Variants in KCNJ6 observed in about 807,000 individuals in gnomAD.
KCNJ6 encodes the protein G protein-activated inward rectifier potassium channel 2.
Under a neutral mutation model 34.2 loss-of-function variants are expected in KCNJ6, and 9 were observed. The ratio of observed to expected loss-of-function variants is 0.26; its 90% confidence interval spans 0.16 to 0.46. The LOEUF is 0.46. Among genes scored for constraint, KCNJ6 ranks in the 20% least tolerant of loss-of-function variants. The probability of loss-of-function intolerance (pLI) is 1.00; values close to 1 mark genes in which losing one functional copy is unlikely to be tolerated. For synonymous variants in KCNJ6, 196 were observed against 207.1 expected (o/e 0.95, Z 0.46); for missense variants, 236 against 531.3 (o/e 0.44, Z 5.46).
At chr21:37,694,140 A>C (rs1037763383) in intron 3 of KCNJ6, among the ~76,000 whole-genome samples, 3 of 152,176 alleles carry the variant, frequency 2.0e-5, no homozygotes, top group Admixed American at 2.0e-4. Context: ...CCTGGGACAG[A>C]GGTGGTGTTC....
At chr21:37,739,081 T>A (rs1032549720) in intron 2 of KCNJ6, among the ~76,000 whole-genome samples, 2 of 152,202 alleles carry the variant, frequency 1.3e-5, no homozygotes, top group African/African-American at 4.8e-5. Flanking sequence ...AATAGAGATG[T>A]GCAGTAAGTG....
At chr21:37,824,092 T>C (rs1055518786) in intron 2 of KCNJ6, among the ~76,000 whole-genome samples, 3 of 152,306 alleles carry the variant, frequency 2.0e-5, no homozygotes, top group Admixed American at 2.0e-4. Flanking sequence ...GATATCTCCA[T>C]GGAGGTGGGG....
At chr21:37,662,895 C>T (rs1002032165) in intron 3 of KCNJ6, among the ~76,000 whole-genome samples, 1 of 152,116 alleles carries the variant, frequency 6.6e-6, no homozygotes, top group Non-Finnish European at 1.5e-5. Flanking sequence ...GTTCATCAGC[C>T]ACATAAATGT....
chr21:37,679,439 C>T (rs1312907059), intron 3 of KCNJ6, among the ~76,000 whole-genome samples: 2 of 152,182 alleles, frequency 1.3e-5, no homozygotes, highest in Non-Finnish European at 2.9e-5. Flanking sequence ...ACAGAATCTA[C>T]ATTATAGAGG....
chr21:37,785,685 A>C (rs1468971004), intron 2 of KCNJ6, among the ~76,000 whole-genome samples: 1 of 152,206 alleles, frequency 6.6e-6, no homozygotes, highest in Middle Eastern at 3.2e-3. Context: ...AGGTTTATCC[A>C]TTGCACAGGT....
chr21:37,862,208 A>G lies in KCNJ6; in HGVS notation c.-27-21499T>C, dbSNP rs73904480. Among the ~76,000 whole-genome samples, 536 of 152,344 alleles carry G rather than the reference A, an allele frequency of 3.5e-3. 7 individuals are homozygous for G. Among genetic ancestry groups the G allele is most frequent in the African/African-American group, 0.012 (507 of 41,592 alleles). Reference sequence around the variant, plus strand: ...CTTACAATCAGGTGAACCTCACTCTATACAACAGTTGAATCCCCCAAACAT... The same window carrying G: ...CTTACAATCAGGTGAACCTCACTCTGTACAACAGTTGAATCCCCCAAACAT... On this transcript the variant is annotated intron_variant, in intron 1 of 3. Transcript: ENST00000609713.
rs1286228249 is a variant in KCNJ6 at position 37,625,177 on chromosome 21, C to T, written c.1254G>A (p.Glu418=). The T allele has an allele frequency of 6.2e-7, 1 of 1,613,648 alleles. No homozygotes were observed. Among genetic ancestry groups the T allele is most frequent in the East Asian group, 2.2e-5 (1 of 44,896 alleles). Residue 418 remains glutamate (E), a synonymous_variant, in exon 4 of 4, where the codon GAG becomes GAA. Coordinates refer to ENST00000609713, the MANE Select transcript of KCNJ6 (RefSeq NM_002240.5). ...TERNGDVANL[E]NESKV ...TAGGGCACTAAACTTTGGATTCATT[C>T]TCCAGGTTTGCCACATCACCATTTC...
At chr21:37,903,400 C>A (rs1375987893) in intron 1 of KCNJ6, among the ~76,000 whole-genome samples, 3 of 152,214 alleles carry the variant, frequency 2.0e-5, no homozygotes, top group Non-Finnish European at 4.4e-5. Context: ...CCTCCCCAGC[C>A]ATATGCAACT....
At chr21:37,725,568 T>C (rs858037) in intron 2 of KCNJ6, among the ~76,000 whole-genome samples, 148,648 of 152,358 alleles carry the variant, frequency 0.98, 72,550 homozygotes, top group East Asian at 1. Flanking sequence ...GTATGTATTA[T>C]GTGTAATAGC....
At chr21:37,746,626 C>G (rs928346720) in intron 2 of KCNJ6, among the ~76,000 whole-genome samples, 6 of 152,180 alleles carry the variant, frequency 3.9e-5, no homozygotes, top group Non-Finnish European at 5.9e-5. Context: ...TCACTTGACT[C>G]TGAGTAATTC....
chr21:37,670,483 G>C (rs1210394635), intron 3 of KCNJ6, among the ~76,000 whole-genome samples: 1 of 152,112 alleles, frequency 6.6e-6, no homozygotes, highest in Non-Finnish European at 1.5e-5. Context: ...ATTAAGCCTG[G>C]GCTGAGTGCA....
intron 1 of KCNJ6, among the ~76,000 whole-genome samples, chr21:37,855,101 A>G (rs550002680): frequency 1.3e-5 from 2 of 152,364 alleles, no homozygotes; most frequent in East Asian, 1.9e-4. Context: ...ACAGACCTCA[A>G]CAAAAGAATT....
intron 3 of KCNJ6, among the ~76,000 whole-genome samples, chr21:37,638,331 G>C (rs143076081): frequency 7.9e-5 from 12 of 152,152 alleles, no homozygotes; most frequent in African/African-American, 1.2e-4. Flanking sequence ...ATTTTTGGTA[G>C]AGATGGGGTT....
chr21:37,700,134 G>T (rs893707313), intron 3 of KCNJ6, among the ~76,000 whole-genome samples: 1 of 152,026 alleles, frequency 6.6e-6, no homozygotes, highest in Non-Finnish European at 1.5e-5. Flanking sequence ...ATCCTCAAAA[G>T]TGTAGTCTGT....
chr21:37,679,012 TG>T (rs1325464521), intron 3 of KCNJ6, among the ~76,000 whole-genome samples: 1 of 152,150 alleles, frequency 6.6e-6, no homozygotes, highest in Non-Finnish European at 1.5e-5. Flanking sequence ...TAAAGGGTGC[TG>T]TGGGTTTTCT....
At chr21:37,839,025 C>A (rs1372199713) in intron 2 of KCNJ6, among the ~76,000 whole-genome samples, 4 of 152,184 alleles carry the variant, frequency 2.6e-5, no homozygotes, top group Admixed American at 1.3e-4. Context: ...TTCCTGGGGC[C>A]TCCCCAGAAG....
At chr21:37,634,296 TC>T (rs35508598) in intron 3 of KCNJ6, among the ~76,000 whole-genome samples, 24,555 of 151,924 alleles carry the variant, frequency 0.16, 2,464 homozygotes, top group East Asian at 0.36. Flanking sequence ...GGCACCTCCA[TC>T]CCCTCTCTCT....
chr21:37,864,972 T>G (rs1467147997), intron 1 of KCNJ6, among the ~76,000 whole-genome samples: 1 of 151,876 alleles, frequency 6.6e-6, no homozygotes, highest in Non-Finnish European at 1.5e-5. Flanking sequence ...CCCAAAGTGC[T>G]GGGATTACAG....
intron 1 of KCNJ6, among the ~76,000 whole-genome samples, chr21:37,848,659 T>C (rs2055522241): frequency 6.6e-6 from 1 of 152,246 alleles, no homozygotes; most frequent in Non-Finnish European, 1.5e-5. Flanking sequence ...GTTAAGTTTG[T>C]ACTAACATTG....
Sources: allele counts gnomAD v4.1 joint callset (sites outside exome capture counted in the v4.1 genomes callset), GRCh38; gene constraint gnomAD v4.1.1; transcripts MANE v1.5; gene names NCBI Gene and HGNC (gene_info 2026-07-23, HGNC 2026-07-21).